The following GRM3 variants were observed in gnomAD, a reference collection of about 807,000 sequenced individuals.
GRM3 encodes metabotropic glutamate receptor 3.
GRM3 carries 26 observed loss-of-function variants against 70.5 expected under a neutral mutation model. That is an observed-to-expected ratio of 0.37 (90% CI 0.27 to 0.51). GRM3 has a LOEUF of 0.51. Ranked by LOEUF, GRM3 falls within the 20% of genes least tolerant of loss-of-function variation. The pLI, the probability that GRM3 is intolerant of heterozygous loss-of-function variation, is 0.93. For missense variants in GRM3, 859 were observed against 1,123.8 expected, an observed-to-expected ratio of 0.76 and a Z score of 3.37; for synonymous variants, 443 against 434.9, an observed-to-expected ratio of 1.02 and a Z score of -0.23.
Position 86,765,016 on chromosome 7 carries a change from A to G in GRM3, c.-130A>G, listed in dbSNP as rs560121659. ...TTTTTATCTCTTTAGGAATTTTGTG[A>G]CAGGCTCTGTTAGTCTGTTCCTCCC... is the stretch of plus-strand genomic sequence containing the variant. On this transcript the variant is annotated 5_prime_UTR_variant, in exon 2 of 6. An upstream open reading frame in the 5' UTR loses its in-frame stop. Transcript: ENST00000361669. The G allele has an allele frequency of 1.9e-4, 280 of 1,470,648 alleles. 1 individual carries two copies. In the African/African-American group the frequency reaches 3.7e-3, roughly 19 times the overall value. The allele number at this position is 1,470,648 out of a possible 1,614,324, so 91.1% of individuals were successfully genotyped here.
chr7:86,750,703 A>AAAG (rs1796210391), intron 1 of GRM3, among the ~76,000 whole-genome samples: 2 of 152,152 alleles, frequency 1.3e-5, no homozygotes, highest in East Asian at 3.9e-4. Context: ...TTAAAAAAAA[A>AAAG]AAGTGTGTGA....
chr7:86,659,187 C>G (rs543910389), intron 1 of GRM3, among the ~76,000 whole-genome samples: 1 of 152,136 alleles, frequency 6.6e-6, no homozygotes, highest in African/African-American at 2.4e-5. Context: ...ATAAATAACA[C>G]CCCAAGGTAT....
At chr7:86,774,297 T>C (rs978819295) in intron 2 of GRM3, among the ~76,000 whole-genome samples, 4 of 152,106 alleles carry the variant, frequency 2.6e-5, no homozygotes, top group Non-Finnish European at 5.9e-5. Context: ...AAAATGCAGT[T>C]GAAAATTCAC....
chr7:86,767,798 C>A (rs1434785759), intron 2 of GRM3, among the ~76,000 whole-genome samples: 2 of 151,822 alleles, frequency 1.3e-5, no homozygotes, highest in African/African-American at 2.4e-5. Flanking sequence ...CTGTGCCCTG[C>A]AAATGGCCTT....
intron 2 of GRM3, among the ~76,000 whole-genome samples, chr7:86,782,628 C>G (rs1390224189): frequency 6.6e-6 from 1 of 152,182 alleles, no homozygotes; most frequent in African/African-American, 2.4e-5. Context: ...AGGCTTATGT[C>G]AATCTTCTAT....
At chr7:86,856,281 T>TA (rs1194815127) in intron 5 of GRM3, among the ~76,000 whole-genome samples, 9 of 151,576 alleles carry the variant, frequency 5.9e-5, no homozygotes, top group East Asian at 1.9e-4. Flanking sequence ...CCATTTCTAC[T>TA]AAAAAAATAC....
At chr7:86,827,077 GA>G (rs1798249687) in intron 3 of GRM3, among the ~76,000 whole-genome samples, 1 of 152,190 alleles carries the variant, frequency 6.6e-6, no homozygotes, top group African/African-American at 2.4e-5. Context: ...GAATAGCAAA[GA>G]GATGGGCACA....
At chr7:86,766,971 G>A (rs995294763) in intron 2 of GRM3, among the ~76,000 whole-genome samples, 3 of 152,144 alleles carry the variant, frequency 2.0e-5, no homozygotes, top group African/African-American at 7.2e-5. Flanking sequence ...AGCACTTTGG[G>A]AGGCTGAGGC....
intron 1 of GRM3, among the ~76,000 whole-genome samples, chr7:86,677,639 C>A (rs1369511205): frequency 1.3e-5 from 2 of 152,044 alleles, no homozygotes; most frequent in East Asian, 3.9e-4. Context: ...AATTTTCAGT[C>A]TGGCTAAGAA....
At chr7:86,648,435 TAAATTCCACTATTGAAATG>T (rs1334560134) in intron 1 of GRM3, among the ~76,000 whole-genome samples, 1 of 152,192 alleles carries the variant, frequency 6.6e-6, no homozygotes, top group Non-Finnish European at 1.5e-5. Flanking sequence ...TGTTGTCATG[TAAATTCCACTATTGAAATG>T]AAAGTGATGT....
chr7:86,649,877 A>T (rs1296408660), intron 1 of GRM3, among the ~76,000 whole-genome samples: 2 of 152,170 alleles, frequency 1.3e-5, no homozygotes, highest in Non-Finnish European at 2.9e-5. Flanking sequence ...AACACAAAAA[A>T]ATGTTCACAC....
chr7:86,768,980 A>G (rs1796673329), intron 2 of GRM3, among the ~76,000 whole-genome samples: 1 of 152,184 alleles, frequency 6.6e-6, no homozygotes. Flanking sequence ...TTTGAAACAT[A>G]TATGTCCTTT....
chr7:86,783,843 T>A (rs1345244831), intron 2 of GRM3, among the ~76,000 whole-genome samples: 1 of 152,218 alleles, frequency 6.6e-6, no homozygotes, highest in Non-Finnish European at 1.5e-5. Flanking sequence ...TTGACTATAT[T>A]ATCACCCCAT....
At chr7:86,835,455 A>G (rs953453868) in intron 3 of GRM3, among the ~76,000 whole-genome samples, 2 of 152,172 alleles carry the variant, frequency 1.3e-5, no homozygotes, top group African/African-American at 2.4e-5. Flanking sequence ...TTTTGGACTG[A>G]TAAGTAAACT....
At chr7:86,691,917 G>C (rs1482030958) in intron 1 of GRM3, among the ~76,000 whole-genome samples, 1 of 152,126 alleles carries the variant, frequency 6.6e-6, no homozygotes, top group Admixed American at 6.6e-5. Flanking sequence ...AATGGACTAA[G>C]ATGCTAAGAG....
chr7:86,860,299 G>A (rs369203004), intron 5 of GRM3, among the ~76,000 whole-genome samples: 6 of 152,146 alleles, frequency 3.9e-5, no homozygotes, highest in African/African-American at 7.2e-5. Context: ...AATAACAGAC[G>A]GGCTAATACA....
chr7:86,735,638 A>C (rs573010146), intron 1 of GRM3, among the ~76,000 whole-genome samples: 20 of 152,168 alleles, frequency 1.3e-4, no homozygotes, highest in African/African-American at 4.8e-4. Flanking sequence ...TAAACTTATA[A>C]ATAATAAAAC....
At chr7:86,650,463 A>G (rs1237736716) in intron 1 of GRM3, among the ~76,000 whole-genome samples, 9 of 152,152 alleles carry the variant, frequency 5.9e-5, no homozygotes, top group Admixed American at 5.2e-4. Context: ...AGGGCAAACA[A>G]TAATCAATGA....
At chr7:86,718,368 A>C (rs1399283384) in intron 1 of GRM3, among the ~76,000 whole-genome samples, 2 of 152,026 alleles carry the variant, frequency 1.3e-5, no homozygotes, top group Non-Finnish European at 2.9e-5. Context: ...GATTTATTAT[A>C]ATCTGACCCA....
Sources: gnomAD v4.1 joint callset for allele counts (sites outside exome capture counted in the v4.1 genomes callset) on GRCh38, gnomAD v4.1.1 for gene constraint, MANE v1.5 for transcripts, NCBI Gene and HGNC (gene_info 2026-07-23, HGNC 2026-07-21) for gene names.